ENKUR: variants seen among roughly 807,000 people sequenced by gnomAD.
ENKUR encodes the protein enkurin, TRPC channel interacting protein.
Under a neutral mutation model 27.6 loss-of-function variants are expected in ENKUR, and 19 were observed. The observed-to-expected ratio is 0.69, with a 90% CI of 0.48 to 1.01. The LOEUF (loss-of-function observed/expected upper bound fraction) is 1.01, where lower values mean the gene tolerates loss of function less well. Among genes scored for constraint, ENKUR ranks in the 50% least tolerant of loss-of-function variants. The pLI, the probability that ENKUR is intolerant of heterozygous loss-of-function variation, is 0.00. For synonymous variants in ENKUR, 117 were observed against 96.9 expected (o/e 1.21, Z -1.22); for missense variants, 312 against 310.5 (o/e 1.00, Z -0.04).
In ENKUR at chr10:25,016,022, CCTTT is replaced by C. The variant is rs1452382903; in HGVS notation, c.-90_-87del. ...CTCCGTCCCTTTCTTCACTGCTTCC[CCTTT>C]CTTTCTTCTTCGCCTTCTGAAGGAC... On this transcript the variant is annotated 5_prime_UTR_variant, in exon 1 of 6. Coordinates refer to ENST00000331161, the MANE Select transcript of ENKUR (RefSeq NM_145010.4). 41 of 1,521,520 alleles carry C rather than the reference CCTTT, an allele frequency of 2.7e-5. No individual in the cohort carries two copies. The highest frequency in any genetic ancestry group is 6.7e-5 in the South Asian group (5 of 74,488). 94.3% of individuals were successfully genotyped at this position (1,521,520 alleles called of 1,614,324 possible).
In ENKUR at chr10:25,003,158, TTTAA is replaced by T. The variant is rs371206452; in HGVS notation, c.78-3616_78-3613del. Among the ~76,000 whole-genome samples, 1,006 of 142,390 alleles carry T rather than the reference TTTAA, an allele frequency of 7.1e-3. 7 individuals carry two copies. Among genetic ancestry groups the T allele is most frequent in the Non-Finnish European group, 0.012 (770 of 63,134 alleles). The allele number at this position is 142,390 out of a possible 152,430, so 93.4% of individuals were successfully genotyped here. On this transcript the variant is annotated intron_variant, in intron 1 of 5. Transcript: ENST00000331161. ...AGAATAAATTCAATTTCAGTGTTTC[TTTAA>T]TTAATTAATTAATTAATTAATTTAT...
intron 2 of ENKUR, 84 bp downstream of exon 2, chr10:24,999,317 G>T: frequency 7.4e-7 from 1 of 1,354,226 alleles, no homozygotes; most frequent in Non-Finnish European, 1.0e-6. Flanking sequence ...ACCTGTGCAT[G>T]TTTAATATTC....
upstream of ENKUR, among the ~76,000 whole-genome samples, chr10:25,017,116 T>C (rs1850614667): frequency 6.6e-6 from 1 of 152,182 alleles, no homozygotes; most frequent in Admixed American, 6.5e-5. Flanking sequence ...TCTAGGTCGT[T>C]CTCCAGGAAC....
At chr10:25,002,994 G>T (rs576411009) in intron 1 of ENKUR, among the ~76,000 whole-genome samples, 1 of 151,530 alleles carries the variant, frequency 6.6e-6, no homozygotes, top group Non-Finnish European at 1.5e-5. Context: ...TTTTTGTGTA[G>T]GTATATGAAC....
At chr10:25,030,327 CTT>C (rs1021192106) in intron 2 of ENKUR, among the ~76,000 whole-genome samples, 1 of 152,042 alleles carries the variant, frequency 6.6e-6, no homozygotes, top group Admixed American at 6.6e-5. Context: ...CTAACAATGT[CTT>C]TATTCCATTG....
chr10:24,993,917 G>A (rs1454191388), intron 3 of ENKUR, among the ~76,000 whole-genome samples: 1 of 152,158 alleles, frequency 6.6e-6, no homozygotes, highest in African/African-American at 2.4e-5. Context: ...AGAAATAATG[G>A]ACTGGAAGTG....
intron 2 of ENKUR, among the ~76,000 whole-genome samples, chr10:25,042,251 G>A (rs1277113567): frequency 6.7e-6 from 1 of 149,958 alleles, no homozygotes; most frequent in Non-Finnish European, 1.5e-5. Context: ...GAAATTTTCT[G>A]TACTATCTTT....
chr10:25,059,778 A>G (rs2130501298), intron 2 of ENKUR, among the ~76,000 whole-genome samples: 1 of 152,178 alleles, frequency 6.6e-6, no homozygotes, highest in African/African-American at 2.4e-5. Flanking sequence ...GAGCTATGAT[A>G]GTGCCACTGC....
intron 2 of ENKUR, among the ~76,000 whole-genome samples, chr10:25,048,932 G>T (rs1044454187): frequency 2.6e-5 from 4 of 151,992 alleles, no homozygotes. Context: ...GGGAGGAAAT[G>T]GACATGGAAA....
chr10:25,007,750 A>G (rs1176597671), intron 1 of ENKUR, among the ~76,000 whole-genome samples: 2 of 152,042 alleles, frequency 1.3e-5, no homozygotes, highest in Admixed American at 1.3e-4. Context: ...AGATTTCTGA[A>G]TTATAGGCAG....
intron 2 of ENKUR, among the ~76,000 whole-genome samples, chr10:25,043,949 A>T: frequency 6.7e-6 from 1 of 148,956 alleles, no homozygotes; most frequent in African/African-American, 2.5e-5. Context: ...TACTTCCCAC[A>T]TTCCTTGAAT....
chr10:25,059,133 T>A (rs1052358488), intron 2 of ENKUR, among the ~76,000 whole-genome samples: 1 of 82,920 alleles, frequency 1.2e-5, no homozygotes, highest in Non-Finnish European at 2.2e-5. Flanking sequence ...TTTTTCTTTC[T>A]TTTTTTTTTT....
At chr10:25,006,270 T>C (rs1564341739) in intron 1 of ENKUR, among the ~76,000 whole-genome samples, 1 of 152,164 alleles carries the variant, frequency 6.6e-6, no homozygotes, top group Non-Finnish European at 1.5e-5. Context: ...AGTAGACTTA[T>C]GAAACTCAGC....
intron 2 of ENKUR, among the ~76,000 whole-genome samples, chr10:25,036,449 G>A (rs765523017): frequency 3.9e-5 from 6 of 152,144 alleles, no homozygotes; most frequent in Admixed American, 1.3e-4. Context: ...TATCAGCAGC[G>A]TGAAAATGGA....
rs546581004 is a variant in ENKUR, at chr10:25,049,821, T to A, written c.37+11291A>T. On this transcript the variant is annotated intron_variant, in intron 2 of 5. Coordinates refer to the ENKUR transcript ENST00000615958. ...AAAAAAGACTTCAAGAATTAAAATT[T>A]AAAAAAAAAAAGAGTTAAGAGTTTC... 3.9e-3 allele frequency among the ~76,000 whole-genome samples: 578 copies of A among 147,068 alleles called. 4 individuals are homozygous for A. The highest frequency in any genetic ancestry group is 7.7e-3 in the African/African-American group (308 of 39,886).
chr10:25,054,530 C>CCTTT (rs1161916077), intron 2 of ENKUR, among the ~76,000 whole-genome samples: 79 of 90,476 alleles, frequency 8.7e-4, no homozygotes, highest in African/African-American at 2.0e-3. Flanking sequence ...TTCTTTCTTT[C>CCTTT]CTTTCTTTCT....
chr10:25,003,240 G>C (rs113060860), intron 1 of ENKUR, among the ~76,000 whole-genome samples: 4,200 of 151,658 alleles, frequency 0.028, 132 homozygotes, highest in African/African-American at 0.074. Flanking sequence ...GGAGTGCAGT[G>C]GTGTTGCCCA....
At chr10:25,019,145 AT>A (rs1443505027), upstream of ENKUR, among the ~76,000 whole-genome samples, 1 of 152,154 alleles carries the variant, frequency 6.6e-6, no homozygotes, top group Non-Finnish European at 1.5e-5. Context: ...TGAATTTCCC[AT>A]TCTCAGATTC....
At chr10:25,015,604 C>T (rs1850548951) in intron 1 of ENKUR, among the ~76,000 whole-genome samples, 1 of 152,036 alleles carries the variant, frequency 6.6e-6, no homozygotes, top group Admixed American at 6.6e-5. Flanking sequence ...TAATCACATA[C>T]CGTATTAATA....
Sources: allele counts gnomAD v4.1 joint callset (sites outside exome capture counted in the v4.1 genomes callset), GRCh38; gene constraint gnomAD v4.1.1; transcripts MANE v1.5; gene names NCBI Gene and HGNC (gene_info 2026-07-23, HGNC 2026-07-21).